FAM171B: variants seen among roughly 807,000 people sequenced by gnomAD.
FAM171B encodes protein FAM171B.
A neutral mutation model predicts 75.6 loss-of-function variants in FAM171B; 19 were observed. The ratio of observed to expected loss-of-function variants is 0.25; its 90% CI spans 0.18 to 0.37. FAM171B has a LOEUF of 0.37. FAM171B is among the 10% of genes least tolerant of loss of function. The pLI, the probability that FAM171B is intolerant of heterozygous loss-of-function variation, is 1.00. For missense variants in FAM171B, 848 were observed against 982.4 expected (o/e 0.86, Z 1.83); for synonymous variants, 367 against 361.7 (o/e 1.01, Z -0.17).
rs762691546 is a variant in FAM171B at position 186,751,108 on chromosome 2, T to C, written c.725-26T>C. On this transcript the variant is annotated intron_variant, in intron 4 of 7. Coordinates refer to ENST00000304698, the MANE Select transcript of FAM171B (RefSeq NM_177454.4). Reference sequence around the variant, plus strand: ...AACTACCACCTCTGTTTACATATGATTTTAATAAACTGTCTTCTTTTATAG... The same window carrying C: ...AACTACCACCTCTGTTTACATATGACTTTAATAAACTGTCTTCTTTTATAG... The C allele has an allele frequency of 7.1e-6, 11 of 1,539,050 alleles. No homozygotes were observed. The Admixed American group carries it at 1.6e-4, about 23-fold the overall frequency.
chr2:186,732,821 G>C (rs1250983686), intron 1 of FAM171B, among the ~76,000 whole-genome samples: 5 of 152,184 alleles, frequency 3.3e-5, no homozygotes, highest in Non-Finnish European at 2.9e-5. Context: ...CTAGAGGAAG[G>C]TCATATTTCA....
In FAM171B at chr2:186,732,040, A is replaced by C. The variant is rs544616406; in HGVS notation, c.239-8188A>C. Among the ~76,000 whole-genome samples, 9 of 152,340 alleles carry C rather than the reference A, an allele frequency of 5.9e-5. No homozygotes were observed. The South Asian group carries it at 1.9e-3, about 32-fold the overall frequency. On this transcript the variant is annotated intron_variant, in intron 1 of 7. Transcript: ENST00000304698. ...ACAATGTAATAATAATAAAGTACACAATAAATGTAATGCATTTGAATCATC... is the reference window on the plus strand; with the variant it reads ...ACAATGTAATAATAATAAAGTACACCATAAATGTAATGCATTTGAATCATC...
rs1317271608 is a variant in FAM171B at position 186,762,911 on chromosome 2, CT to C, written c.*89del. ...GCAGTACGAACTTAAGAAAATGAGA[CT>C]GAGCAATCTCATGGTTCTTGGACAT... is the stretch of plus-strand genomic sequence containing the variant. On this transcript the variant is annotated 3_prime_UTR_variant, in exon 8 of 8. Coordinates refer to ENST00000304698, the MANE Select transcript of FAM171B (RefSeq NM_177454.4). This position sits in a 1 kb window ranked among gnomAD's most constrained non-coding sequence, Gnocchi z 4.0. 168 of 1,448,060 alleles carry C rather than the reference CT, an allele frequency of 1.2e-4. 1 individual carries two copies. Among genetic ancestry groups the C allele is most frequent in the South Asian group, 5.2e-4 (38 of 72,584 alleles). The allele number at this position is 1,448,060 out of a possible 1,614,324, so 89.7% of individuals were successfully genotyped here. A position where few individuals can be genotyped will look rare whatever the true frequency, so the allele number is the denominator to read the frequency against.
chr2:186,727,085 T>C (rs1242650038), intron 1 of FAM171B, among the ~76,000 whole-genome samples: 1 of 150,602 alleles, frequency 6.6e-6, no homozygotes, highest in African/African-American at 2.4e-5. Context: ...ACCCCCTTCA[T>C]TTAGTAAGTA....
At position 186,761,852 on chromosome 2, in the gene FAM171B, T is replaced by C; in HGVS notation, c.1510T>C (p.Ser504Pro). 6.2e-7 allele frequency: 1 copy of C among 1,613,176 alleles called. No individual in the cohort carries two copies. The highest frequency in any genetic ancestry group is 8.5e-7 in the Non-Finnish European group (1 of 1,179,744). The part of the protein sequence containing the change: ...PKHINNNLSS[S>P]LGDAQDEKRY... ...ACATATTAACAACAATCTATCTTCA[T>C]CTCTAGGTGATGCTCAAGATGAAAA... The change falls in exon 8 of 8, where the codon TCT becomes CCT. Residue 504 changes from serine (S) to proline (P), a missense_variant. Ser to Pro is a moderately conservative substitution (Grantham distance 74). Transcript: ENST00000304698.
intron 1 of FAM171B, among the ~76,000 whole-genome samples, chr2:186,700,340 A>C (rs1689639152): frequency 6.6e-6 from 1 of 152,058 alleles, no homozygotes; most frequent in Non-Finnish European, 1.5e-5. Context: ...CCATATAAAC[A>C]TCACCCTATT....
intron 6 of FAM171B, 96 bp downstream of exon 6, chr2:186,754,145 C>T (rs1254793657): frequency 7.1e-6 from 6 of 839,910 alleles, no homozygotes; most frequent in Non-Finnish European, 9.3e-6. Flanking sequence ...AGCACTGCCA[C>T]TTACCAGCTA....
At chr2:186,708,790 C>A (rs1689769604) in intron 1 of FAM171B, among the ~76,000 whole-genome samples, 1 of 152,102 alleles carries the variant, frequency 6.6e-6, no homozygotes, top group Non-Finnish European at 1.5e-5. Flanking sequence ...CAAAAACCAA[C>A]CAACCAAAAG....
At chr2:186,707,847 A>ATTTTTT (rs1176211849) in intron 1 of FAM171B, among the ~76,000 whole-genome samples, 3 of 149,798 alleles carry the variant, frequency 2.0e-5, no homozygotes, top group African/African-American at 5.1e-5. Context: ...TTTTTAAAAA[A>ATTTTTT]AAAAAAAGGT....
At chr2:186,743,606 C>T in intron 3 of FAM171B, 31 bp downstream of exon 3, 3 of 1,383,562 alleles carry the variant, frequency 2.2e-6, no homozygotes, top group Non-Finnish European at 3.1e-6. Context: ...TAAGTAAACA[C>T]TTAAAGTTAT....
intron 6 of FAM171B, among the ~76,000 whole-genome samples, chr2:186,759,202 A>G (rs535586692): frequency 6.6e-6 from 1 of 152,252 alleles, no homozygotes; most frequent in South Asian, 2.1e-4. Flanking sequence ...TCATCTGTTG[A>G]TAGACACTTA....
At chr2:186,722,556 CAAGTTTTG>C (rs1394972863) in intron 1 of FAM171B, among the ~76,000 whole-genome samples, 3 of 152,052 alleles carry the variant, frequency 2.0e-5, no homozygotes, top group African/African-American at 7.2e-5. Context: ...ATACAGTGAT[CAAGTTTTG>C]AATGCATGAA....
At chr2:186,726,561 C>A (rs1436829560) in intron 1 of FAM171B, among the ~76,000 whole-genome samples, 7 of 152,058 alleles carry the variant, frequency 4.6e-5, no homozygotes. Flanking sequence ...AGCCCTCATT[C>A]CAATTAAATA....
At chr2:186,743,362 A>G (rs150155257) in intron 2 of FAM171B, 121 bp from the exon 3 acceptor site, 3 of 623,964 alleles carry the variant, frequency 4.8e-6, no homozygotes, top group Non-Finnish European at 5.7e-6. Context: ...TGCTCTTCCC[A>G]TCAAGCATTT....
chr2:186,700,114 G>A (rs1689636185), intron 1 of FAM171B, among the ~76,000 whole-genome samples: 1 of 151,424 alleles, frequency 6.6e-6, no homozygotes, highest in Admixed American at 6.6e-5. Context: ...GCTATTTGGA[G>A]CCTTTTGTGG....
chr2:186,694,823 C>T (rs1295285070), intron 1 of FAM171B, among the ~76,000 whole-genome samples: 1 of 150,796 alleles, frequency 6.6e-6, no homozygotes, highest in Non-Finnish European at 1.5e-5. Flanking sequence ...ACATTTTGTT[C>T]TCTATCCTTT....
chr2:186,743,103 C>G (rs1423044238), intron 2 of FAM171B, among the ~76,000 whole-genome samples: 1 of 151,290 alleles, frequency 6.6e-6, no homozygotes, highest in Non-Finnish European at 1.5e-5. Flanking sequence ...ATCATGGAGC[C>G]AAGAAAAAAA....
chr2:186,696,793 G>GTTTT (rs1689587701), intron 1 of FAM171B, among the ~76,000 whole-genome samples: 1 of 152,074 alleles, frequency 6.6e-6, no homozygotes. Flanking sequence ...GTTTAAAATA[G>GTTTT]TAATCTGCAC....
At chr2:186,746,759 C>A (rs1574110363) in intron 3 of FAM171B, among the ~76,000 whole-genome samples, 2 of 152,120 alleles carry the variant, frequency 1.3e-5, no homozygotes, top group African/African-American at 4.8e-5. Flanking sequence ...GGTTTCAGCC[C>A]ATTCTGGCAT....
Sources: allele counts gnomAD v4.1 joint callset (sites outside exome capture counted in the v4.1 genomes callset), GRCh38; gene constraint gnomAD v4.1.1; non-coding constraint Gnocchi (gnomAD v3.1); transcripts MANE v1.5; gene names NCBI Gene and HGNC (gene_info 2026-07-23, HGNC 2026-07-21).